NKAIN2: variants seen among roughly 807,000 people sequenced by gnomAD.
The protein encoded by NKAIN2 is sodium/potassium transporting ATPase interacting 2, also known as sodium/potassium-transporting ATPase subunit beta-1-interacting protein 2.
A neutral mutation model predicts 32.6 loss-of-function variants in NKAIN2; 14 were observed. The ratio of observed to expected loss-of-function variants is 0.43; its 90% CI spans 0.28 to 0.67. The LOEUF is 0.67. Ranked by LOEUF, NKAIN2 falls within the 30% of genes least tolerant of loss-of-function variation. The pLI is 0.17. For missense variants in NKAIN2, 198 were observed against 258.3 expected, an observed-to-expected ratio of 0.77 and a Z score of 1.60; for synonymous variants, 80 against 87.2, an observed-to-expected ratio of 0.92 and a Z score of 0.46.
intron 1 of NKAIN2, among the ~76,000 whole-genome samples, chr6:123,956,199 A>T (rs187774288): frequency 2.8e-4 from 43 of 152,336 alleles, no homozygotes; most frequent in Non-Finnish European, 3.2e-4. Context: ...GAAGGAAAAA[A>T]GGAAAACCGG....
rs1482062094 is a variant in NKAIN2, at chr6:124,240,680, CA to C, written c.55-42318del. Among the ~76,000 whole-genome samples, 10 of 151,888 alleles carry C rather than the reference CA, an allele frequency of 6.6e-5. No individual in the cohort carries two copies. The East Asian group carries it at 1.5e-3, about 24-fold the overall frequency. On this transcript the variant is annotated intron_variant, in intron 1 of 6. Transcript: ENST00000368417. ...TCTCAATAGATGCAGAAAAGGCCTTCAAAAAAATTAAACACCCCTTCATGCT... is the reference window on the plus strand; with the variant it reads ...TCTCAATAGATGCAGAAAAGGCCTTCAAAAAATTAAACACCCCTTCATGCT...
intron 3 of NKAIN2, among the ~76,000 whole-genome samples, chr6:124,452,592 G>T (rs1047415703): frequency 6.6e-6 from 1 of 152,086 alleles, no homozygotes; most frequent in Admixed American, 6.6e-5. Context: ...CCACTTCAAT[G>T]AAGTTAAAGC....
chr6:124,186,844 A>G (rs1002689671), intron 1 of NKAIN2, among the ~76,000 whole-genome samples: 3 of 152,194 alleles, frequency 2.0e-5, no homozygotes, highest in African/African-American at 7.2e-5. Context: ...TAGAGCCACC[A>G]TGTCAGTTGC....
intron 1 of NKAIN2, among the ~76,000 whole-genome samples, chr6:123,933,233 T>A (rs1212246573): frequency 4.6e-5 from 7 of 152,216 alleles, no homozygotes; most frequent in African/African-American, 7.2e-5. Context: ...GATGTTTTAT[T>A]TCAAATTTGT....
At chr6:124,253,574 G>A (rs1185960142) in intron 1 of NKAIN2, among the ~76,000 whole-genome samples, 1 of 152,068 alleles carries the variant, frequency 6.6e-6, no homozygotes, top group Admixed American at 6.5e-5. Flanking sequence ...TCTCTTTCTT[G>A]TGGTGACATA....
At chr6:124,257,479 C>T (rs966248443) in intron 1 of NKAIN2, among the ~76,000 whole-genome samples, 5 of 152,078 alleles carry the variant, frequency 3.3e-5, no homozygotes, top group African/African-American at 1.2e-4. Flanking sequence ...TTGGAGTATA[C>T]CATATTTGAG....
intron 1 of NKAIN2, among the ~76,000 whole-genome samples, chr6:124,090,787 A>G (rs1358859097): frequency 6.6e-6 from 1 of 152,016 alleles, no homozygotes; most frequent in African/African-American, 2.4e-5. Context: ...TGCACATGTC[A>G]GTACATGCTG....
At chr6:123,906,683 T>A (rs1186721955) in intron 1 of NKAIN2, among the ~76,000 whole-genome samples, 1 of 152,160 alleles carries the variant, frequency 6.6e-6, no homozygotes, top group Non-Finnish European at 1.5e-5. Context: ...ACCTTTATCA[T>A]CTCCTGTAGT....
intron 1 of NKAIN2, among the ~76,000 whole-genome samples, chr6:123,987,787 C>G (rs71574841): frequency 0.26 from 39,053 of 152,068 alleles, 5,374 homozygotes; most frequent in Middle Eastern, 0.42. Context: ...TCCCCCTCCC[C>G]CTTCTTCTCT....
intron 4 of NKAIN2, among the ~76,000 whole-genome samples, chr6:124,782,398 T>A (rs187249500): frequency 6.6e-6 from 1 of 152,256 alleles, no homozygotes; most frequent in Admixed American, 6.5e-5. Flanking sequence ...AATGTTAACG[T>A]AGTTTTAGCC....
At chr6:124,305,820 A>G (rs1796485474) in intron 2 of NKAIN2, among the ~76,000 whole-genome samples, 7 of 151,854 alleles carry the variant, frequency 4.6e-5, no homozygotes, top group Admixed American at 4.6e-4. Context: ...CATTTTAGCA[A>G]CCTCCTGGCC....
At chr6:124,724,022 T>C (rs998260362) in intron 4 of NKAIN2, among the ~76,000 whole-genome samples, 3 of 151,996 alleles carry the variant, frequency 2.0e-5, no homozygotes, top group Non-Finnish European at 4.4e-5. Flanking sequence ...CATCTGCAGG[T>C]TTAAAGCAGA....
intron 6 of NKAIN2, among the ~76,000 whole-genome samples, chr6:124,818,827 G>A (rs1404034486): frequency 6.6e-6 from 1 of 151,958 alleles, no homozygotes; most frequent in African/African-American, 2.4e-5. Flanking sequence ...ATATGTTCTG[G>A]TTTCAGTTTA....
chr6:124,790,678 G>T (rs1231279637), intron 4 of NKAIN2, among the ~76,000 whole-genome samples: 1 of 152,126 alleles, frequency 6.6e-6, no homozygotes, highest in Non-Finnish European at 1.5e-5. Flanking sequence ...GAGATCAAGT[G>T]ACTTTGCTGT....
rs373085098 is a variant in NKAIN2, at chr6:124,664,773, G to A, written c.474+6387G>A. 1.7e-3 allele frequency among the ~76,000 whole-genome samples: 186 copies of A among 108,780 alleles called. 2 individuals carry two copies. The East Asian group carries it at 0.042, about 25-fold the overall frequency. The allele number at this position is 108,780 out of a possible 152,430, so 71.4% of individuals were successfully genotyped here. Reference sequence around the variant, plus strand: ...CCCGCCACTGCACTCCAGCCTGGGCGACAGAGCGAGACTCCGTCTCAAAAA... The same window carrying A: ...CCCGCCACTGCACTCCAGCCTGGGCAACAGAGCGAGACTCCGTCTCAAAAA... On this transcript the variant is annotated intron_variant, in intron 4 of 6. Coordinates refer to ENST00000368417, the MANE Select transcript of NKAIN2 (RefSeq NM_001040214.3).
intron 1 of NKAIN2, among the ~76,000 whole-genome samples, chr6:124,091,625 C>T (rs548872906): frequency 1.3e-5 from 2 of 151,882 alleles, no homozygotes; most frequent in African/African-American, 4.8e-5. Flanking sequence ...AGCCAGTTAC[C>T]TTCTCTCTTA....
chr6:124,476,643 G>C (rs898242650), intron 3 of NKAIN2, among the ~76,000 whole-genome samples: 17 of 152,018 alleles, frequency 1.1e-4, no homozygotes, highest in Admixed American at 1.0e-3. Flanking sequence ...TAAATGTATT[G>C]TCATAACAAG....
chr6:124,691,874 A>C (rs1312143306), intron 4 of NKAIN2, among the ~76,000 whole-genome samples: 3 of 152,204 alleles, frequency 2.0e-5, no homozygotes, highest in African/African-American at 7.2e-5. Context: ...TATACTTTAC[A>C]ATATAGTTTT....
At chr6:124,363,745 C>A (rs1338064978) in intron 3 of NKAIN2, among the ~76,000 whole-genome samples, 3 of 152,128 alleles carry the variant, frequency 2.0e-5, no homozygotes, top group Non-Finnish European at 4.4e-5. Context: ...AAACTGATTA[C>A]CCATCACTTT....
Sources: allele counts gnomAD v4.1 joint callset (sites outside exome capture counted in the v4.1 genomes callset), GRCh38; gene constraint gnomAD v4.1.1; transcripts MANE v1.5; gene names NCBI Gene and HGNC (gene_info 2026-07-23, HGNC 2026-07-21).